ALDH1A3: variants seen among roughly 807,000 people sequenced by gnomAD.
The protein encoded by ALDH1A3 is aldehyde dehydrogenase 1 family member A3.
Under a neutral mutation model 57.5 loss-of-function variants are expected in ALDH1A3, and 28 were observed. The ratio of observed to expected loss-of-function variants is 0.49; its 90% CI spans 0.36 to 0.67. The LOEUF is 0.67. Ranked by LOEUF, ALDH1A3 falls within the 30% of genes least tolerant of loss-of-function variation. The pLI, the probability that ALDH1A3 is intolerant of heterozygous loss-of-function variation, is 0.00. For missense variants in ALDH1A3, 507 were observed against 669.4 expected, an observed-to-expected ratio of 0.76 and a Z score of 2.68; for synonymous variants, 281 against 264.8, an observed-to-expected ratio of 1.06 and a Z score of -0.59.
At chr15:100,913,440 C>T (rs916378617) in intron 12 of ALDH1A3, 1 of 152,212 alleles carries the variant, frequency 6.6e-6, no homozygotes, top group Non-Finnish European at 1.5e-5. Context: ...CTGGTGGCCC[C>T]ATCCTCCATC....
chr15:100,899,172 G>A (rs1389657109), intron 8 of ALDH1A3, among the ~76,000 whole-genome samples: 4 of 152,230 alleles, frequency 2.6e-5, no homozygotes, highest in Admixed American at 2.6e-4. Flanking sequence ...AAGGAAAGGG[G>A]AGCTGGGTGT....
At chr15:100,886,995 G>A (rs551143867) in intron 2 of ALDH1A3, among the ~76,000 whole-genome samples, 1 of 152,290 alleles carries the variant, frequency 6.6e-6, no homozygotes, top group East Asian at 1.9e-4. Flanking sequence ...TTCACACTGA[G>A]GCAGCCAGTG....
intron 12 of ALDH1A3, chr15:100,913,510 C>T (rs371326862): frequency 2.9e-4 from 44 of 152,244 alleles, no homozygotes; most frequent in Admixed American, 1.1e-3. Context: ...TGCTCTGCCT[C>T]TCTTCTTCTG....
Position 100,881,246 on chromosome 15 carries a change from A to G in ALDH1A3, c.99+1240A>G, listed in dbSNP as rs373452441. 4 of 152,370 alleles carry G rather than the reference A, an allele frequency of 2.6e-5. No individual in the cohort carries two copies. In the East Asian group the frequency reaches 5.8e-4, roughly 22 times the overall value. The allele number at this position is 152,370 out of a possible 1,614,324, so 9.4% of individuals were successfully genotyped here. A position where few individuals can be genotyped will look rare whatever the true frequency, so the allele number is the denominator to read the frequency against. On this transcript the variant is annotated intron_variant, in intron 1 of 12. Transcript: ENST00000329841. Reference sequence around the variant, plus strand: ...CTGTTTTCAGAAGGCTCTGTAATCAACAAAGACACGTCGCTGTAAACTAAA... The same window carrying G: ...CTGTTTTCAGAAGGCTCTGTAATCAGCAAAGACACGTCGCTGTAAACTAAA...
At chr15:100,890,476 C>A (rs2041637745) in intron 3 of ALDH1A3, among the ~76,000 whole-genome samples, 5 of 152,140 alleles carry the variant, frequency 3.3e-5, no homozygotes, top group Non-Finnish European at 7.3e-5. Context: ...TTCCATAAAA[C>A]TAACCTGGTA....
At position 100,894,117 on chromosome 15, in the gene ALDH1A3, T is replaced by C; in HGVS notation, c.666+35T>C. On this transcript the variant is annotated intron_variant, in intron 6 of 12. Coordinates refer to ENST00000329841, the MANE Select transcript of ALDH1A3 (RefSeq NM_000693.4). The surrounding 1 kb of genome is among the most constrained non-coding windows in gnomAD (Gnocchi z 4.5). Reference sequence around the variant, plus strand: ...CCAAAAAGAAAATATCACATGTTCTTGGTAACATTCCCACTCCTAGGAACC... The same window carrying C: ...CCAAAAAGAAAATATCACATGTTCTCGGTAACATTCCCACTCCTAGGAACC... The C allele has an allele frequency of 6.2e-7, 1 of 1,610,056 alleles. No homozygotes were observed. Among genetic ancestry groups the C allele is most frequent in the East Asian group, 2.2e-5 (1 of 44,840 alleles).
At chr15:100,898,060 G>A (rs781093509) in intron 7 of ALDH1A3, 23 bp from the exon 8 acceptor site, 1 of 1,606,470 alleles carries the variant, frequency 6.2e-7, no homozygotes, top group Admixed American at 1.7e-5. Flanking sequence ...AAGGTAAATT[G>A]TGATCTGTGT....
intron 3 of ALDH1A3, chr15:100,888,520 C>T (rs1188302178): frequency 1.3e-5 from 2 of 152,204 alleles, no homozygotes; most frequent in Non-Finnish European, 2.9e-5. Flanking sequence ...ATAAATGCCA[C>T]CACTTAACAT....
chr15:100,891,856 C>T (rs1186566346), intron 3 of ALDH1A3, among the ~76,000 whole-genome samples: 3 of 152,258 alleles, frequency 2.0e-5, no homozygotes, highest in Admixed American at 6.5e-5. Context: ...GCTGCACACT[C>T]GCCCTGGGTA....
At chr15:100,914,393 C>T (rs923591710) in intron 12 of ALDH1A3, 2 of 212,852 alleles carry the variant, frequency 9.4e-6, no homozygotes, top group Admixed American at 5.5e-5. Context: ...CTATTGCCAC[C>T]CCAGGGAATT....
At chr15:100,899,363 G>T (rs1000532644) in intron 8 of ALDH1A3, among the ~76,000 whole-genome samples, 1 of 152,150 alleles carries the variant, frequency 6.6e-6, no homozygotes, top group African/African-American at 2.4e-5. Context: ...ATCTGGATAC[G>T]CCACCTGCAC....
chr15:100,909,559 A>G (rs539529658), intron 12 of ALDH1A3, among the ~76,000 whole-genome samples: 44 of 146,206 alleles, frequency 3.0e-4, no homozygotes, highest in African/African-American at 1.1e-3. Context: ...CCGTGTGTGT[A>G]AACCCACTGC....
In ALDH1A3 at chr15:100,894,630, C is replaced by T. The variant is rs1423951595; in HGVS notation, c.666+548C>T. ...GACATACCTTTAGTCATTCCATCCCCAGGTTGTATGGAGCAAAGATTTAGA... is the reference window on the plus strand; with the variant it reads ...GACATACCTTTAGTCATTCCATCCCTAGGTTGTATGGAGCAAAGATTTAGA... On this transcript the variant is annotated intron_variant, in intron 6 of 12. Coordinates refer to ENST00000329841, the MANE Select transcript of ALDH1A3 (RefSeq NM_000693.4). The surrounding 1 kb of genome is among the most constrained non-coding windows in gnomAD (Gnocchi z 4.5). 2.0e-5 allele frequency: 3 copies of T among 153,528 alleles called. No individual in the cohort carries two copies. Among genetic ancestry groups the T allele is most frequent in the Non-Finnish European group, 4.4e-5 (3 of 68,918 alleles). 9.5% of individuals were successfully genotyped at this position (153,528 alleles called of 1,614,324 possible). A position where few individuals can be genotyped will look rare whatever the true frequency, so the allele number is the denominator to read the frequency against.
At chr15:100,890,125 C>T (rs776612609) in intron 3 of ALDH1A3, among the ~76,000 whole-genome samples, 4 of 152,168 alleles carry the variant, frequency 2.6e-5, no homozygotes, top group Non-Finnish European at 5.9e-5. Context: ...AGCTCCCAAA[C>T]GGAAGCCCTC....
chr15:100,905,435 C>A, intron 9 of ALDH1A3, 88 bp from the exon 10 acceptor site: 1 of 1,513,270 alleles, frequency 6.6e-7, no homozygotes, highest in Non-Finnish European at 9.1e-7. Context: ...GGGAGGATGG[C>A]TGATCATGTT....
Position 100,879,955 on chromosome 15 carries a change from G to A in ALDH1A3, c.48G>A (p.Lys16=). The change falls in exon 1 of 13, where the codon AAG becomes AAA. Residue 16 remains lysine, a synonymous_variant. Coordinates refer to ENST00000329841, the MANE Select transcript of ALDH1A3 (RefSeq NM_000693.4). ...GAVENGQPDR[K]PPALPRPIRN... ...TGGAAAACGGGCAGCCGGACAGGAA[G>A]CCGCCGGCCCTGCCGCGCCCCATCC... 1 of 1,475,090 alleles carries A rather than the reference G, an allele frequency of 6.8e-7. No individual in the cohort carries two copies. The highest frequency in any genetic ancestry group is 9.0e-7 in the Non-Finnish European group (1 of 1,112,162). 91.4% of individuals were successfully genotyped at this position (1,475,090 alleles called of 1,614,324 possible).
chr15:100,896,840 A>G (rs1405039448), intron 7 of ALDH1A3, among the ~76,000 whole-genome samples: 1 of 152,222 alleles, frequency 6.6e-6, no homozygotes, highest in Non-Finnish European at 1.5e-5. Flanking sequence ...GAAGCACAAA[A>G]CAGCAAACGG....
rs546941925 is a variant in ALDH1A3, at chr15:100,895,713, C to T, written c.667-220C>T. The T allele has an allele frequency of 2.2e-4, 124 of 574,862 alleles. No homozygotes were observed. The Middle Eastern group carries it at 3.7e-3, about 17-fold the overall frequency. 35.6% of individuals were successfully genotyped at this position (574,862 alleles called of 1,614,324 possible). ...CCCCCAGAAGGAGAAGTGGGCATCT[C>T]CCCTTGCCCAGCCTGCACACTGGGC... On this transcript the variant is annotated intron_variant, in intron 6 of 12. Transcript: ENST00000329841.
At position 100,900,757 on chromosome 15, in the gene ALDH1A3, C is replaced by T; in HGVS notation, c.1066C>T (p.Gln356Ter). Residue 356 changes from glutamine to a stop codon, truncating the protein, a stop_gained and splice_region_variant, in exon 9 of 13, where the codon CAG becomes TAG. Coordinates refer to ENST00000329841, the MANE Select transcript of ALDH1A3 (RefSeq NM_000693.4). LOFTEE classifies it high-confidence loss of function. ...CGATGTCAAAACAGAACAGGGGCCT[C>T]AGGTAATCCCCCTGGTGTGTGTGAA... is the stretch of plus-strand genomic sequence containing the variant. ...PFDVKTEQGP[Q>*]IDQKQFDKIL... is the part of the protein sequence containing the mutation. 6.2e-7 allele frequency: 1 copy of T among 1,613,762 alleles called. No homozygotes were observed. Among genetic ancestry groups the T allele is most frequent in the Non-Finnish European group, 8.5e-7 (1 of 1,179,868 alleles).
Sources: gnomAD v4.1 joint callset for allele counts (sites outside exome capture counted in the v4.1 genomes callset) on GRCh38, gnomAD v4.1.1 for gene constraint, Gnocchi (gnomAD v3.1) non-coding constraint, MANE v1.5 for transcripts, NCBI Gene and HGNC (gene_info 2026-07-23, HGNC 2026-07-21) for gene names.